Variants in CHD5 observed in about 807,000 individuals in gnomAD.
CHD5 encodes the protein chromodomain helicase DNA binding protein 5.
In CHD5, 69 loss-of-function variants were observed where a neutral mutation model predicts 230.3. The observed-to-expected ratio is 0.30, with a 90% confidence interval of 0.25 to 0.37. CHD5 has a LOEUF of 0.37. CHD5 is among the 10% of genes least tolerant of loss of function. The pLI, the probability that CHD5 is intolerant of heterozygous loss-of-function variation, is 1.00. For missense variants in CHD5, 1,827 were observed against 2,622.8 expected (o/e 0.70, Z 6.63); for synonymous variants, 1,064 against 1,065.9 (o/e 1.00, Z 0.03).
At chr1:6,113,617 G>A (rs930704407) in intron 33 of CHD5, among the ~76,000 whole-genome samples, 1 of 152,206 alleles carries the variant, frequency 6.6e-6, no homozygotes, top group Admixed American at 6.5e-5. Flanking sequence ...AGGCAGGACA[G>A]GGGAGGCCTC....
At position 6,129,334 on chromosome 1, in the gene CHD5, AGTGT is replaced by A. The variant is rs57973618; in HGVS notation, c.3388-269_3388-266del. ...GCAGGCAGGACTGCAGGTGTGCAAG[AGTGT>A]GTGAGGGATGATACGGCCAGTGTGC... On this transcript the variant is annotated intron_variant, in intron 22 of 41. Coordinates refer to ENST00000262450, the MANE Select transcript of CHD5 (RefSeq NM_015557.3). The surrounding 1 kb of genome is among the most constrained non-coding windows in gnomAD (Gnocchi z 6.8). 3.3e-5 allele frequency among the ~76,000 whole-genome samples: 5 copies of A among 152,146 alleles called. No homozygotes were observed.
At chr1:6,106,549 C>T (rs1407736179) in intron 39 of CHD5, 40 bp from the exon 40 acceptor site, 2 of 1,550,236 alleles carry the variant, frequency 1.3e-6, no homozygotes, top group Admixed American at 3.9e-5. Context: ...GTCTCAGGCC[C>T]CCCACCCAGC....
At chr1:6,137,471 T>C (rs745455698) in intron 15 of CHD5, among the ~76,000 whole-genome samples, 1 of 152,090 alleles carries the variant, frequency 6.6e-6, no homozygotes, top group Non-Finnish European at 1.5e-5. Flanking sequence ...ACAAGCTCAA[T>C]TGTGTCCTTT....
At position 6,101,842 on chromosome 1, in the gene CHD5, G is replaced by C. The variant is rs571544516; in HGVS notation, c.*3632C>G. On this transcript the variant is annotated 3_prime_UTR_variant, in exon 42 of 42. Coordinates refer to ENST00000262450, the MANE Select transcript of CHD5 (RefSeq NM_015557.3). Reference sequence around the variant, plus strand: ...CACAGAAAACCAAAACATACACACAGAGTACAAAGTAAAGGTGATTGTGTT... The same window carrying C: ...CACAGAAAACCAAAACATACACACACAGTACAAAGTAAAGGTGATTGTGTT... The C allele has an allele frequency of 1.3e-5, 3 of 222,912 alleles. No homozygotes were observed. The highest frequency in any genetic ancestry group is 1.9e-5 in the Non-Finnish European group (2 of 106,186). 13.8% of individuals were successfully genotyped at this position (222,912 alleles called of 1,614,324 possible). A position where few individuals can be genotyped will look rare whatever the true frequency, so the allele number is the denominator to read the frequency against.
In CHD5 at chr1:6,125,408, T is replaced by A; in HGVS notation, c.4260+116A>T. The A allele has an allele frequency of 1.5e-6, 2 of 1,313,940 alleles. No individual in the cohort carries two copies. 81.4% of individuals were successfully genotyped at this position (1,313,940 alleles called of 1,614,324 possible). On this transcript the variant is annotated intron_variant, in intron 28 of 41. Transcript: ENST00000262450. The surrounding 1 kb of genome is among the most constrained non-coding windows in gnomAD (Gnocchi z 6.7). ...ACGGCGAAGACCAGACCAAGTTCTG[T>A]CCAAGCTCCGCCTCTACCTGGCATG...
chr1:6,154,895 T>C lies in CHD5; in HGVS notation c.510A>G (p.Pro170=). ...NYKAFSQFLR[P]LIAKKNPKIP... Reference sequence around the variant, plus strand: ...TCTTCGGGTTCTTCTTGGCAATGAGTGGCCTGTAGGGGGAGAGGCAGGAGG... The same window carrying C: ...TCTTCGGGTTCTTCTTGGCAATGAGCGGCCTGTAGGGGGAGAGGCAGGAGG... The change falls in exon 5 of 42, where the codon CCA becomes CCG. Residue 170 remains proline, a synonymous_variant. Transcript: ENST00000262450. This position sits in a 1 kb window ranked among gnomAD's most constrained non-coding sequence, Gnocchi z 7.0. 6.2e-7 allele frequency: 1 copy of C among 1,613,072 alleles called. No individual in the cohort carries two copies. The highest frequency in any genetic ancestry group is 8.5e-7 in the Non-Finnish European group (1 of 1,179,634).
chr1:6,146,881 G>C lies in CHD5; in HGVS notation c.1384-10C>G. On this transcript the variant is annotated splice_polypyrimidine_tract_variant and intron_variant, in intron 9 of 41. Coordinates refer to ENST00000262450, the MANE Select transcript of CHD5 (RefSeq NM_015557.3). This position sits in a 1 kb window ranked among gnomAD's most constrained non-coding sequence, Gnocchi z 5.1. Reference sequence around the variant, plus strand: ...CCTTCAGTGGGGGGCACTGTGGACAGAGAAGGGTCCCCAAGGTGGGGCTCA... The same window carrying C: ...CCTTCAGTGGGGGGCACTGTGGACACAGAAGGGTCCCCAAGGTGGGGCTCA... The C allele has an allele frequency of 1.3e-6, 2 of 1,485,704 alleles. No homozygotes were observed. The highest frequency in any genetic ancestry group is 1.8e-6 in the Non-Finnish European group (2 of 1,115,784). The allele number at this position is 1,485,704 out of a possible 1,614,324, so 92.0% of individuals were successfully genotyped here. A position where few individuals can be genotyped will look rare whatever the true frequency, so the allele number is the denominator to read the frequency against.
In CHD5 at chr1:6,112,969, G is replaced by C; in HGVS notation, c.4942C>G (p.Leu1648Val). 1 of 1,613,916 alleles carries C rather than the reference G, an allele frequency of 6.2e-7. No homozygotes were observed. Among genetic ancestry groups the C allele is most frequent in the Non-Finnish European group, 8.5e-7 (1 of 1,179,848 alleles). Reference sequence around the variant, plus strand: ...ATCAAGCTCAGCTCCAGCTTGTCCAGGATCTTCTCCTTCTCAGGAAGCACC... The same window carrying C: ...ATCAAGCTCAGCTCCAGCTTGTCCACGATCTTCTCCTTCTCAGGAAGCACC... ...EEVLPEKEKI[L>V]DKLELSLIHS... Residue 1648 changes from leucine to valine, a missense_variant, in exon 34 of 42, where the codon CTG becomes GTG. By Grantham distance (32) the Leu-to-Val change is conservative. Coordinates refer to ENST00000262450, the MANE Select transcript of CHD5 (RefSeq NM_015557.3).
At chr1:6,148,687 G>T (rs963254739) in intron 9 of CHD5, among the ~76,000 whole-genome samples, 167 bp downstream of exon 9, 8 of 152,156 alleles carry the variant, frequency 5.3e-5, no homozygotes, top group Admixed American at 6.5e-5. Context: ...AGCTATTGTG[G>T]ACGGGGTCTC....
At chr1:6,118,255 G>A (rs1666408031) in intron 33 of CHD5, among the ~76,000 whole-genome samples, 1 of 151,880 alleles carries the variant, frequency 6.6e-6, no homozygotes, top group Non-Finnish European at 1.5e-5. Flanking sequence ...ATGTGCACCT[G>A]TAGTCCCAGC....
rs529552171 is a variant in CHD5, at chr1:6,135,008, G to A, written c.2871-149C>T. On this transcript the variant is annotated intron_variant, in intron 18 of 41. Transcript: ENST00000262450. ...CCCAAGAGGTGAAGCCACCGGCCTGGAGTCCCCCTGCAAGTGACTGGGGGA... is the reference window on the plus strand; with the variant it reads ...CCCAAGAGGTGAAGCCACCGGCCTGAAGTCCCCCTGCAAGTGACTGGGGGA... 23 of 1,098,502 alleles carry A rather than the reference G, an allele frequency of 2.1e-5. No homozygotes were observed. In the East Asian group the frequency reaches 3.2e-4, roughly 15 times the overall value. 68.0% of individuals were successfully genotyped at this position (1,098,502 alleles called of 1,614,324 possible).
At chr1:6,112,804 G>A in intron 34 of CHD5, 105 bp downstream of exon 34, 1 of 818,628 alleles carries the variant, frequency 1.2e-6, no homozygotes, top group Non-Finnish European at 2.0e-6. Flanking sequence ...CAGGCCTGGG[G>A]CCAAGGGGAC....
chr1:6,115,463 G>C (rs1666365387), intron 33 of CHD5, among the ~76,000 whole-genome samples: 2 of 152,150 alleles, frequency 1.3e-5, no homozygotes, highest in South Asian at 4.1e-4. Flanking sequence ...ACCTGAGTAG[G>C]CCTAACCTGA....
chr1:6,179,402 C>T (rs973844103), intron 1 of CHD5, among the ~76,000 whole-genome samples: 6 of 152,112 alleles, frequency 3.9e-5, no homozygotes, highest in African/African-American at 1.4e-4. Context: ...TCCTCCTGGG[C>T]CGGGAGGGAA....
chr1:6,109,162 G>A (rs1666244627), intron 38 of CHD5, among the ~76,000 whole-genome samples: 1 of 152,052 alleles, frequency 6.6e-6, no homozygotes, highest in South Asian at 2.1e-4. Context: ...CAGAAGCGCT[G>A]CCTGACGCTG....
At position 6,106,636 on chromosome 1, in the gene CHD5, C is replaced by T. The variant is rs1332890670; in HGVS notation, c.5722G>A (p.Gly1908Arg). 7 of 1,587,130 alleles carry T rather than the reference C, an allele frequency of 4.4e-6. No homozygotes were observed. Among genetic ancestry groups the T allele is most frequent in the African/African-American group, 2.7e-5 (2 of 74,396 alleles). Residue 1908 changes from glycine (G) to arginine (R), a missense_variant, in exon 39 of 42, where the codon GGG becomes AGG. By Grantham distance (125) the Gly-to-Arg change is moderately radical (BLOSUM62 -2). Around this residue, in one of 14 missense-constraint regions of CHD5, gnomAD observed 208 missense variants for 302.0 expected, o/e 0.69. Coordinates refer to ENST00000262450, the MANE Select transcript of CHD5 (RefSeq NM_015557.3). ...CTGACCTGCTGGATGGTGGGGTCCC[C>T]GGCGCGGTTGGTCAGGCGGCTCAGG... ...SILSRLTNRA[G>R]DPTIQQGAFG...
intron 1 of CHD5, among the ~76,000 whole-genome samples, chr1:6,170,427 G>A (rs1324071208): frequency 1.3e-5 from 2 of 152,180 alleles, no homozygotes; most frequent in Non-Finnish European, 2.9e-5. Context: ...CCACTCCTCG[G>A]GGGCACCGGG....
In CHD5 at chr1:6,128,665, G is replaced by C; in HGVS notation, c.3620-56C>G. 1 of 1,463,298 alleles carries C rather than the reference G, an allele frequency of 6.8e-7. No individual in the cohort carries two copies. The highest frequency in any genetic ancestry group is 9.5e-7 in the Non-Finnish European group (1 of 1,048,914). 90.6% of individuals were successfully genotyped at this position (1,463,298 alleles called of 1,614,324 possible). A position where few individuals can be genotyped will look rare whatever the true frequency, so the allele number is the denominator to read the frequency against. On this transcript the variant is annotated intron_variant, in intron 23 of 41. Coordinates refer to ENST00000262450, the MANE Select transcript of CHD5 (RefSeq NM_015557.3). This position sits in a 1 kb window ranked among gnomAD's most constrained non-coding sequence, Gnocchi z 7.8. Reference sequence around the variant, plus strand: ...AGGACCACAGAGGGCTGCAGGGTTGGCGGGCAGTGCCCAGAGACACCACCC... The same window carrying C: ...AGGACCACAGAGGGCTGCAGGGTTGCCGGGCAGTGCCCAGAGACACCACCC...
rs1165552165 is a variant in CHD5, at chr1:6,180,155, GC to G, written c.-133del. 5.5e-5 allele frequency: 10 copies of G among 182,878 alleles called. No individual in the cohort carries two copies. Among genetic ancestry groups the G allele is most frequent in the Non-Finnish European group, 8.0e-5 (8 of 99,602 alleles). The allele number at this position is 182,878 out of a possible 1,614,324, so 11.3% of individuals were successfully genotyped here. On this transcript the variant is annotated 5_prime_UTR_variant, in exon 1 of 42. Coordinates refer to ENST00000262450, the MANE Select transcript of CHD5 (RefSeq NM_015557.3). ...CTCGGCGAGAAGATGGCGGCCGCCT[GC>G]CCCCCCACCCCCCCAAACCTCCACC...
Sources: gnomAD v4.1 joint callset for allele counts (sites outside exome capture counted in the v4.1 genomes callset) on GRCh38, gnomAD v4.1.1 for gene constraint, gnomAD v4.1.1 regional missense constraint, Gnocchi (gnomAD v3.1) non-coding constraint, MANE v1.5 for transcripts, NCBI Gene and HGNC (gene_info 2026-07-23, HGNC 2026-07-21) for gene names.